POLA1: variants seen among roughly 807,000 people sequenced by gnomAD.
The protein encoded by POLA1 is DNA polymerase alpha 1, catalytic subunit, also known as DNA polymerase alpha catalytic subunit.
POLA1 carries 15 observed loss-of-function variants against 124.0 expected under a neutral mutation model. The observed-to-expected ratio is 0.12, with a 90% CI of 0.08 to 0.19. POLA1 has a LOEUF of 0.19. Ranked by LOEUF, POLA1 falls within the 10% of genes least tolerant of loss-of-function variation. The probability of loss-of-function intolerance (pLI) is 1.00; values close to 1 mark genes in which losing one functional copy is unlikely to be tolerated. For missense variants in POLA1, 886 were observed against 1,103.4 expected (o/e 0.80, Z 2.79); for synonymous variants, 408 against 389.4 (o/e 1.05, Z -0.56).
chrX:24,911,789 TAAGGG>T (rs2047452279), intron 35 of POLA1, among the ~76,000 whole-genome samples: 1 of 111,908 alleles, frequency 8.9e-6, no homozygotes, highest in Admixed American at 9.5e-5. Context: ...TTAAAAATAA[TAAGGG>T]AATACTCCAC....
intron 31 of POLA1, among the ~76,000 whole-genome samples, chrX:24,824,194 G>A (rs370772774): frequency 6.3e-5 from 7 of 111,818 alleles, no homozygotes; most frequent in African/African-American, 1.6e-4. Context: ...GAAGACCAGC[G>A]TTGCTTCTTA....
intron 35 of POLA1, among the ~76,000 whole-genome samples, chrX:24,925,254 G>T (rs1338481882): frequency 1.8e-5 from 2 of 111,467 alleles, no homozygotes; most frequent in African/African-American, 6.5e-5. Flanking sequence ...TATTTTTCAG[G>T]CTTCACCAAA....
chrX:24,897,549 C>T (rs774441654), intron 35 of POLA1, among the ~76,000 whole-genome samples: 5 of 111,533 alleles, frequency 4.5e-5, no homozygotes, highest in Non-Finnish European at 7.5e-5. Context: ...CGTCTACAAA[C>T]GAAAAAAGAG....
At chrX:24,899,620 G>A (rs1043423825) in intron 35 of POLA1, among the ~76,000 whole-genome samples, 5 of 111,802 alleles carry the variant, frequency 4.5e-5, no homozygotes, top group African/African-American at 1.6e-4. Context: ...ATGAGAGAAG[G>A]GGTGAAAACA....
At chrX:24,699,140 C>T (rs755678599) in intron 1 of POLA1, among the ~76,000 whole-genome samples, 3 of 111,812 alleles carry the variant, frequency 2.7e-5, no homozygotes, top group Non-Finnish European at 5.6e-5. Context: ...TTAGTGTCTC[C>T]GCAGGATATC....
intron 35 of POLA1, among the ~76,000 whole-genome samples, chrX:24,904,967 T>A (rs1428670474): frequency 9.8e-6 from 1 of 101,577 alleles, no homozygotes; most frequent in Non-Finnish European, 2.0e-5. Flanking sequence ...GAGGTTGCAG[T>A]GAGCCGAGAT....
At chrX:24,967,576 G>A (rs943153378) in intron 36 of POLA1, among the ~76,000 whole-genome samples, 8 of 110,525 alleles carry the variant, frequency 7.2e-5, no homozygotes, top group African/African-American at 2.0e-4. Context: ...CAGGAGGATC[G>A]CTTGAACCTG....
At chrX:24,835,705 A>G (rs1225481075) in intron 32 of POLA1, among the ~76,000 whole-genome samples, 1 of 110,697 alleles carries the variant, frequency 9.0e-6, no homozygotes, top group Non-Finnish European at 1.9e-5. Flanking sequence ...TATGTTTCCT[A>G]TAAATAGTTA....
intron 34 of POLA1, among the ~76,000 whole-genome samples, chrX:24,877,381 A>G (rs181170257): frequency 8.9e-6 from 1 of 112,038 alleles, no homozygotes; most frequent in African/African-American, 3.2e-5. Flanking sequence ...CCCCTGGTCT[A>G]TTAAAACTGA....
chrX:24,947,231 T>C (rs1196825534), intron 36 of POLA1, among the ~76,000 whole-genome samples: 21 of 103,000 alleles, frequency 2.0e-4, no homozygotes, highest in African/African-American at 5.9e-4. Flanking sequence ...CAGCTGGTTG[T>C]TTTCCCTGCA....
chrX:24,788,593 C>T, intron 26 of POLA1: 2 of 1,193,256 alleles, frequency 1.7e-6, no homozygotes, highest in Non-Finnish European at 2.3e-6. Flanking sequence ...TGACGCGCTC[C>T]TCTAATTTCG....
chrX:24,946,069 G>C (rs1323209790), intron 36 of POLA1, among the ~76,000 whole-genome samples: 1 of 111,467 alleles, frequency 9.0e-6, no homozygotes, highest in Admixed American at 9.6e-5. Flanking sequence ...AAGGAATAGG[G>C]CTGCTGGGGA....
chrX:24,921,256 T>A (rs987077525), intron 35 of POLA1, among the ~76,000 whole-genome samples: 1 of 112,522 alleles, frequency 8.9e-6, no homozygotes, highest in African/African-American at 3.2e-5. Flanking sequence ...AACAGGCATA[T>A]TGATAAAAAT....
intron 26 of POLA1, among the ~76,000 whole-genome samples, chrX:24,797,432 C>A (rs1218113903): frequency 9.0e-6 from 1 of 111,508 alleles, no homozygotes; most frequent in African/African-American, 3.3e-5. Context: ...TATACATTAT[C>A]TGTTTTTATG....
At chrX:24,780,131 A>G in intron 26 of POLA1, among the ~76,000 whole-genome samples, 1 of 112,158 alleles carries the variant, frequency 8.9e-6, no homozygotes. Context: ...TATGTTCATC[A>G]GGAGTTCGGC....
At position 24,739,368 on chromosome X, in the gene POLA1, C is replaced by A. The variant is rs768154308; in HGVS notation, c.2041-7C>A. 2 of 1,161,086 alleles carry A rather than the reference C, an allele frequency of 1.7e-6. No individual in the cohort carries two copies. The highest frequency in any genetic ancestry group is 6.3e-5 in the East Asian group (2 of 31,988). ...CATGAAGTTTGCTTTTTGTTCCCAT[C>A]TTGTAGGGCCGGAGTGGATTTGGTG... On this transcript the variant is annotated splice_region_variant and splice_polypyrimidine_tract_variant and intron_variant, in intron 19 of 36. Coordinates refer to ENST00000379068, the MANE Select transcript of POLA1 (RefSeq NM_001330360.2).
At chrX:24,777,114 T>C (rs2045155163) in intron 26 of POLA1, among the ~76,000 whole-genome samples, 1 of 112,421 alleles carries the variant, frequency 8.9e-6, no homozygotes, top group Admixed American at 9.4e-5. Flanking sequence ...GTACTGGTAA[T>C]AGGCAGACTT....
intron 14 of POLA1, 62 bp from the exon 15 acceptor site, chrX:24,727,720 A>C (rs1930629146): frequency 3.2e-6 from 3 of 932,815 alleles, no homozygotes; most frequent in Non-Finnish European, 3.0e-6. Context: ...AGATGTCTTA[A>C]TTATAGTAGT....
chrX:24,777,894 C>G (rs1252201078), intron 26 of POLA1, among the ~76,000 whole-genome samples: 1 of 112,143 alleles, frequency 8.9e-6, no homozygotes, highest in Non-Finnish European at 1.9e-5. Context: ...GGAAGTGAAA[C>G]AAAGGACTGG....
Sources: gnomAD v4.1 joint callset for allele counts (sites outside exome capture counted in the v4.1 genomes callset) on GRCh38, gnomAD v4.1.1 for gene constraint, MANE v1.5 for transcripts, NCBI Gene and HGNC (gene_info 2026-07-23, HGNC 2026-07-21) for gene names.